The following PTHLH variants were observed in gnomAD, a reference collection of about 807,000 sequenced individuals.
The protein encoded by PTHLH is parathyroid hormone-related protein.
In PTHLH, 5 loss-of-function variants were observed where a neutral mutation model predicts 18.6. That is an observed-to-expected ratio of 0.27 (90% CI 0.14 to 0.56). The LOEUF is 0.56. Ranked by LOEUF, PTHLH falls within the 20% of genes least tolerant of loss-of-function variation. The pLI is 0.92. For missense variants in PTHLH, 207 were observed against 223.9 expected (o/e 0.92, Z 0.48); for synonymous variants, 90 against 94.0 (o/e 0.96, Z 0.25).
chr12:27,960,033 G>A (rs1057160528), intron 5 of PTHLH, among the ~76,000 whole-genome samples: 6 of 152,144 alleles, frequency 3.9e-5, no homozygotes, highest in Non-Finnish European at 8.8e-5. Context: ...AAGGACCAAG[G>A]AGAAATCTTC....
intron 4 of PTHLH, 100 bp downstream of exon 4, chr12:27,969,294 A>G: frequency 2.5e-6 from 3 of 1,184,466 alleles, no homozygotes; most frequent in Non-Finnish European, 3.6e-6. Flanking sequence ...CCGGGCAAGG[A>G]GCATCGGTGA....
In PTHLH at chr12:27,969,532, A is replaced by G; in HGVS notation, c.-22-16T>C. 2.0e-6 allele frequency: 3 copies of G among 1,538,082 alleles called. No homozygotes were observed. The highest frequency in any genetic ancestry group is 1.8e-6 in the Non-Finnish European group (2 of 1,139,334). ...CGCTCGGGACCTGCAACAGAAGGGAATGGGACCCGAGTGTCAGTCTGGACT... is the reference window on the plus strand; with the variant it reads ...CGCTCGGGACCTGCAACAGAAGGGAGTGGGACCCGAGTGTCAGTCTGGACT... On this transcript the variant is annotated splice_polypyrimidine_tract_variant and intron_variant, in intron 3 of 5. Coordinates refer to ENST00000545234, the MANE Select transcript of PTHLH (RefSeq NM_198965.2).
At chr12:27,959,301 T>C (rs149256444) in intron 5 of PTHLH, among the ~76,000 whole-genome samples, 11 of 152,326 alleles carry the variant, frequency 7.2e-5, no homozygotes, top group African/African-American at 2.4e-4. Flanking sequence ...TCTGTTAGCA[T>C]TGGGAAAGTC....
At chr12:27,971,815 A>G (rs982484961) in intron 2 of PTHLH, 112 bp downstream of exon 2, 3 of 151,738 alleles carry the variant, frequency 2.0e-5, no homozygotes, top group Non-Finnish European at 4.4e-5. Flanking sequence ...ACACACACAC[A>G]CTCTCTCTCT....
chr12:27,961,320 T>TATAC (rs1437066937), intron 5 of PTHLH, among the ~76,000 whole-genome samples: 161 of 100,586 alleles, frequency 1.6e-3, no homozygotes, highest in South Asian at 2.0e-3. Context: ...TATATATATA[T>TATAC]ACGTATATAT....
intron 4 of PTHLH, 21 bp downstream of exon 4, chr12:27,969,373 T>C (rs769577599): frequency 3.9e-6 from 6 of 1,556,596 alleles, no homozygotes; most frequent in African/African-American, 2.7e-5. Flanking sequence ...CCCGGCGCCC[T>C]GGGGAGGATG....
At chr12:27,970,869 T>C (rs1591854031) in intron 2 of PTHLH, among the ~76,000 whole-genome samples, 1 of 152,158 alleles carries the variant, frequency 6.6e-6, no homozygotes, top group African/African-American at 2.4e-5. Flanking sequence ...CCCTGGCCCA[T>C]TCCCGGGATG....
At chr12:27,961,904 CA>C (rs762248442) in intron 5 of PTHLH, 1 of 712,760 alleles carries the variant, frequency 1.4e-6, no homozygotes, top group Non-Finnish European at 2.5e-6. Flanking sequence ...AAAGAAGTAA[CA>C]GGGGACTCTT....
At chr12:27,961,309 A>ATATACGTATATATATACG (rs375792350) in intron 5 of PTHLH, among the ~76,000 whole-genome samples, 2,226 of 75,384 alleles carry the variant, frequency 0.03, 185 homozygotes, top group African/African-American at 0.081. Flanking sequence ...ACGTATATAT[A>ATATACGTATATATATACG]TATATATATA....
At chr12:27,960,265 A>C (rs1008510797) in intron 5 of PTHLH, among the ~76,000 whole-genome samples, 6 of 152,238 alleles carry the variant, frequency 3.9e-5, no homozygotes, top group African/African-American at 1.4e-4. Flanking sequence ...CCAAGGCAAA[A>C]ATGATATGAT....
intron 5 of PTHLH, 102 bp downstream of exon 5, chr12:27,963,246 A>C: frequency 1.3e-6 from 2 of 1,586,580 alleles, no homozygotes; most frequent in South Asian, 2.3e-5. Flanking sequence ...GAGATACATA[A>C]AGGGAGAAAA....
At chr12:27,961,276 C>CATATATATACACGT (rs2062750590) in intron 5 of PTHLH, among the ~76,000 whole-genome samples, 2 of 52,756 alleles carry the variant, frequency 3.8e-5, no homozygotes, top group Admixed American at 5.1e-4. Flanking sequence ...TTTTATAACT[C>CATATATATACACGT]ATATATATAC....
At position 27,969,780 on chromosome 12, in the gene PTHLH, AAAT is replaced by A. The variant is rs747152909; in HGVS notation, c.-23+242_-23+244del. 1.7e-5 allele frequency: 11 copies of A among 658,956 alleles called. No individual in the cohort carries two copies. In the African/African-American group the frequency reaches 1.9e-4, roughly 12 times the overall value. 40.8% of individuals were successfully genotyped at this position (658,956 alleles called of 1,614,324 possible). ...AAACAAATCAGAGGCGCTTCCTCTG[AAAT>A]AATAGCGAAAATAAAATGGTTTTAT... On this transcript the variant is annotated intron_variant, in intron 3 of 5. Transcript: ENST00000545234.
chr12:27,969,164 A>G, intron 4 of PTHLH: 1 of 570,362 alleles, frequency 1.8e-6, no homozygotes, highest in Non-Finnish European at 3.1e-6. Flanking sequence ...CCTCTTATGG[A>G]AACACACATA....
intron 2 of PTHLH, among the ~76,000 whole-genome samples, chr12:27,970,517 C>T (rs2062861806): frequency 6.6e-6 from 1 of 151,730 alleles, no homozygotes; most frequent in Non-Finnish European, 1.5e-5. Flanking sequence ...AGCCCCACCC[C>T]GGAGCCCGGG....
chr12:27,962,173 T>C, intron 5 of PTHLH: 3 of 462,980 alleles, frequency 6.5e-6, no homozygotes, highest in Non-Finnish European at 1.1e-5. Flanking sequence ...CTTGGCTTTC[T>C]ATTTTATAAA....
At chr12:27,963,316 C>CG in intron 5 of PTHLH, 32 bp downstream of exon 5, 1 of 1,614,100 alleles carries the variant, frequency 6.2e-7, no homozygotes, top group Non-Finnish European at 8.5e-7. Flanking sequence ...GAGAGCACCC[C>CG]GCTGAGGCTA....
intron 5 of PTHLH, chr12:27,962,232 C>CAGA (rs1555124338): frequency 3.9e-6 from 1 of 254,578 alleles, no homozygotes; most frequent in Non-Finnish European, 7.5e-6. Context: ...ACATACCCCC[C>CAGA]TAGATAGATA....
rs1318494453 is a variant in PTHLH at position 27,959,587 on chromosome 12, C to T, written c.525-1019G>A. ...TTGATTGGCTATGTCATTGAATTAA[C>T]AGTCAGAGTTGTGGCAGAGTTTTAC... On this transcript the variant is annotated intron_variant, in intron 5 of 5. Coordinates refer to ENST00000545234, the MANE Select transcript of PTHLH (RefSeq NM_198965.2). Among the ~76,000 whole-genome samples the T allele has an allele frequency of 2.6e-5, 4 of 152,300 alleles. No homozygotes were observed. The East Asian group carries it at 7.7e-4, about 29-fold the overall frequency.
Sources: gnomAD v4.1 joint callset for allele counts (sites outside exome capture counted in the v4.1 genomes callset) on GRCh38, gnomAD v4.1.1 for gene constraint, MANE v1.5 for transcripts, NCBI Gene and HGNC (gene_info 2026-07-23, HGNC 2026-07-21) for gene names.